SYTL3: variants seen among roughly 807,000 people sequenced by gnomAD.
The protein encoded by SYTL3 is synaptotagmin like 3, also known as synaptotagmin-like protein 3.
SYTL3 carries 88 observed loss-of-function variants against 82.1 expected under a neutral mutation model. That is an observed-to-expected ratio of 1.07 (90% CI 0.90 to 1.28). The LOEUF (loss-of-function observed/expected upper bound fraction) is 1.28, where lower values mean the gene tolerates loss of function less well. Among genes scored for constraint, SYTL3 ranks in the 50% most tolerant of loss-of-function variants. SYTL3 has a pLI of 0.00. For missense variants in SYTL3, 831 were observed against 757.6 expected (o/e 1.10, Z -1.14); for synonymous variants, 311 against 289.4 (o/e 1.07, Z -0.76).
At chr6:158,698,350 T>G (rs1780784837) in intron 6 of SYTL3, among the ~76,000 whole-genome samples, 1 of 134,762 alleles carries the variant, frequency 7.4e-6, no homozygotes, top group African/African-American at 2.9e-5. Context: ...TGAGCCGAGA[T>G]CACACCACTG....
rs1014607684 is a variant in SYTL3, at chr6:158,764,712, A to G, written c.*108A>G. 5 of 741,876 alleles carry G rather than the reference A, an allele frequency of 6.7e-6. No homozygotes were observed. Among genetic ancestry groups the G allele is most frequent in the Admixed American group, 4.1e-5 (2 of 48,406 alleles). 46.0% of individuals were successfully genotyped at this position (741,876 alleles called of 1,614,324 possible). A position where few individuals can be genotyped will look rare whatever the true frequency, so the allele number is the denominator to read the frequency against. On this transcript the variant is annotated 3_prime_UTR_variant, in exon 18 of 18. Coordinates refer to ENST00000611299, the MANE Select transcript of SYTL3 (RefSeq NM_001242394.2). ...CCAGCTGGAGACCCCTTTGACCTTGAGCAGTCTCCATCTGCGGCCCTGTCC... is the reference window on the plus strand; with the variant it reads ...CCAGCTGGAGACCCCTTTGACCTTGGGCAGTCTCCATCTGCGGCCCTGTCC...
chr6:158,738,745 C>T (rs1027669725), intron 11 of SYTL3, among the ~76,000 whole-genome samples: 3 of 152,204 alleles, frequency 2.0e-5, no homozygotes, highest in Non-Finnish European at 4.4e-5. Flanking sequence ...GCAACCTCCA[C>T]CTCCTGGGTT....
intron 8 of SYTL3, among the ~76,000 whole-genome samples, chr6:158,708,880 T>C (rs547775299): frequency 6.6e-6 from 1 of 152,334 alleles, no homozygotes; most frequent in East Asian, 1.9e-4. Context: ...GAAATAATTA[T>C]ACAGGTGCTG....
At chr6:158,744,197 G>C (rs1487717236) in intron 11 of SYTL3, among the ~76,000 whole-genome samples, 2 of 150,036 alleles carry the variant, frequency 1.3e-5, no homozygotes, top group African/African-American at 2.4e-5. Flanking sequence ...GATTACAAGG[G>C]TGAGCCACCA....
chr6:158,708,344 A>C lies in SYTL3; in HGVS notation c.469A>C (p.Thr157Pro), dbSNP rs374002803. 1.2e-5 allele frequency: 20 copies of C among 1,613,884 alleles called. No homozygotes were observed. The highest frequency in any genetic ancestry group is 4.5e-5 in the East Asian group (2 of 44,880). ...KLSKISVVPP[T>P]PPPVSESQCS... ...CAGCAAAATTTCTGTGGTTCCTCCT[A>C]CTCCACCTCCTGTCAGCGAGAGCCA... Residue 157 changes from threonine (T) to proline (P), a missense_variant, in exon 8 of 18, where the codon ACT becomes CCT. Coordinates refer to ENST00000611299, the MANE Select transcript of SYTL3 (RefSeq NM_001242394.2).
chr6:158,760,886 T>G, intron 15 of SYTL3, 141 bp downstream of exon 15: 1 of 690,246 alleles, frequency 1.4e-6, no homozygotes, highest in South Asian at 1.7e-5. Flanking sequence ...CTCTTCTTTC[T>G]GAGCCATGCA....
intron 2 of SYTL3, among the ~76,000 whole-genome samples, chr6:158,653,148 C>T (rs1388303669): frequency 6.6e-6 from 1 of 152,172 alleles, no homozygotes; most frequent in Non-Finnish European, 1.5e-5. Flanking sequence ...GAATAGGGAA[C>T]TGAGCTGAGA....
intron 2 of SYTL3, among the ~76,000 whole-genome samples, chr6:158,653,256 CA>C (rs1408251497): frequency 1.3e-5 from 2 of 152,032 alleles, no homozygotes; most frequent in East Asian, 3.9e-4. Flanking sequence ...CCTGTAATCC[CA>C]GCACTTTGGG....
chr6:158,688,211 A>G (rs1003195169), intron 6 of SYTL3, among the ~76,000 whole-genome samples: 9 of 152,320 alleles, frequency 5.9e-5, no homozygotes, highest in Non-Finnish European at 1.3e-4. Context: ...TTGATTTTTC[A>G]TGTTATAGAT....
At chr6:158,649,338 C>G (rs140356892), upstream of SYTL3, among the ~76,000 whole-genome samples, 130 of 152,356 alleles carry the variant, frequency 8.5e-4, no homozygotes, top group Non-Finnish European at 1.3e-3. Flanking sequence ...TTCATGTCTT[C>G]TCCATGCTGA....
At chr6:158,679,119 C>T (rs530573593) in intron 5 of SYTL3, among the ~76,000 whole-genome samples, 1 of 152,226 alleles carries the variant, frequency 6.6e-6, no homozygotes, top group Non-Finnish European at 1.5e-5. Flanking sequence ...CCTGTAATCC[C>T]AGCACTTTGG....
At chr6:158,681,932 C>G (rs1778740285) in intron 5 of SYTL3, among the ~76,000 whole-genome samples, 1 of 152,208 alleles carries the variant, frequency 6.6e-6, no homozygotes, top group Non-Finnish European at 1.5e-5. Flanking sequence ...TGACATGATA[C>G]ATTGGTCATT....
intron 2 of SYTL3, among the ~76,000 whole-genome samples, chr6:158,652,641 T>C (rs142177860): frequency 7.2e-5 from 11 of 152,044 alleles, no homozygotes; most frequent in Non-Finnish European, 1.3e-4. Flanking sequence ...ACCTCCCAGG[T>C]TCAAACAATT....
chr6:158,755,577 C>G (rs1788957397), intron 13 of SYTL3, among the ~76,000 whole-genome samples: 1 of 152,172 alleles, frequency 6.6e-6, no homozygotes, highest in Non-Finnish European at 1.5e-5. Flanking sequence ...CCCAACAGAG[C>G]AGGGGACGGC....
intron 13 of SYTL3, among the ~76,000 whole-genome samples, chr6:158,753,453 G>A (rs544745328): frequency 9.9e-5 from 15 of 152,064 alleles, no homozygotes; most frequent in East Asian, 9.8e-4. Context: ...ATTCTGGGCC[G>A]GGCGCGGTGG....
chr6:158,764,542 C>T lies in SYTL3; in HGVS notation c.1771C>T (p.Gln591Ter), dbSNP rs752825770. ...GGDACSLSKL[Q>*]WQKVLSSPNL... ...GGATGCATGCTCACTATCGAAGCTC[C>T]AGTGGCAGAAAGTCCTTTCCAGCCC... is the stretch of plus-strand genomic sequence containing the variant. The change falls in exon 18 of 18, where the codon CAG becomes TAG. Residue 591 changes from glutamine to a stop codon, truncating the protein, a stop_gained. Transcript: ENST00000611299. LOFTEE classifies it high-confidence loss of function. 2 of 1,614,134 alleles carry T rather than the reference C, an allele frequency of 1.2e-6. No individual in the cohort carries two copies. Among genetic ancestry groups the T allele is most frequent in the Non-Finnish European group, 8.5e-7 (1 of 1,180,020 alleles).
At chr6:158,714,510 A>T (rs1390760464) in intron 9 of SYTL3, among the ~76,000 whole-genome samples, 1 of 152,206 alleles carries the variant, frequency 6.6e-6, no homozygotes, top group Admixed American at 6.5e-5. Context: ...AGTTAGCAGT[A>T]ATCCTGTGAT....
At chr6:158,756,710 CA>C (rs375826558) in intron 13 of SYTL3, among the ~76,000 whole-genome samples, 1,589 of 96,772 alleles carry the variant, frequency 0.016, 82 homozygotes, top group African/African-American at 0.039. Context: ...GATCCTGTCT[CA>C]AAAAAAAATT....
intron 11 of SYTL3, among the ~76,000 whole-genome samples, chr6:158,739,122 A>G (rs1200901094): frequency 1.3e-5 from 2 of 152,222 alleles, no homozygotes; most frequent in African/African-American, 4.8e-5. Flanking sequence ...GCACAGTCAG[A>G]TGTTTTTAAA....
Sources: gnomAD v4.1 joint callset for allele counts (sites outside exome capture counted in the v4.1 genomes callset) on GRCh38, gnomAD v4.1.1 for gene constraint, MANE v1.5 for transcripts, NCBI Gene and HGNC (gene_info 2026-07-23, HGNC 2026-07-21) for gene names.